CD58: variants seen among roughly 807,000 people sequenced by gnomAD.
CD58 encodes the protein lymphocyte function-associated antigen 3.
A neutral mutation model predicts 27.6 loss-of-function variants in CD58; 14 were observed. That is an observed-to-expected ratio of 0.51 (90% confidence interval 0.34 to 0.79). The LOEUF (loss-of-function observed/expected upper bound fraction) is 0.79. Among genes scored for constraint, CD58 ranks in the 30% least tolerant of loss-of-function variants. The probability of loss-of-function intolerance (pLI) is 0.02; values close to 1 mark genes in which losing one functional copy is unlikely to be tolerated. For missense variants in CD58, 268 were observed against 301.7 expected, an observed-to-expected ratio of 0.89 and a Z score of 0.83; for synonymous variants, 117 against 103.8, an observed-to-expected ratio of 1.13 and a Z score of -0.77.
Position 116,559,463 on chromosome 1 carries a change from T to C in CD58, c.70+11440A>G, listed in dbSNP as rs1190747916. Among the ~76,000 whole-genome samples the C allele has an allele frequency of 6.6e-6, 1 of 152,216 alleles. No individual in the cohort carries two copies. The highest frequency in any genetic ancestry group is 2.4e-5 in the African/African-American group (1 of 41,464). On this transcript the variant is annotated intron_variant, in intron 1 of 5. Transcript: ENST00000369489. This position sits in a 1 kb window ranked among gnomAD's most constrained non-coding sequence, Gnocchi z 4.4. ...CTGTTGGCCAGAACATCAGATGCCT[T>C]GGTTGGGGCCATTCCTCTTTTTTCC...
intron 1 of CD58, among the ~76,000 whole-genome samples, chr1:116,545,788 G>A (rs1436331251): frequency 6.6e-6 from 1 of 152,030 alleles, no homozygotes; most frequent in Non-Finnish European, 1.5e-5. Context: ...TACCAACCTA[G>A]TTGTTAAACA....
intron 1 of CD58, among the ~76,000 whole-genome samples, chr1:116,561,861 CAATT>C (rs1268217844): frequency 6.6e-6 from 1 of 152,112 alleles, no homozygotes; most frequent in East Asian, 1.9e-4. Context: ...ATCAGTGTGA[CAATT>C]AAATAAAAAC....
In CD58 at chr1:116,535,981, G is replaced by C. The variant is rs777699881; in HGVS notation, c.612C>G (p.Thr204=). The stretch of plus-strand genomic sequence containing the variant: ...TTTACTCACCGCTGCTTGGGATACA[G>C]GTTGTCAAAATGATTGATGATGTTG... ...FNTTSSIILT[T]CIPSSGHSRH... Residue 204 remains threonine, a synonymous_variant, in exon 3 of 6, where the codon ACC becomes ACG. Transcript: ENST00000369489. 1 of 1,609,256 alleles carries C rather than the reference G, an allele frequency of 6.2e-7. No individual in the cohort carries two copies. The highest frequency in any genetic ancestry group is 8.5e-7 in the Non-Finnish European group (1 of 1,178,272).
intron 2 of CD58, among the ~76,000 whole-genome samples, chr1:116,537,589 C>T (rs1657853960): frequency 6.6e-6 from 1 of 152,188 alleles, no homozygotes; most frequent in Admixed American, 6.5e-5. Context: ...CTCACTCCCA[C>T]CCTTCTTCTA....
At chr1:116,539,449 T>C (rs559355053) in intron 2 of CD58, among the ~76,000 whole-genome samples, 3 of 152,186 alleles carry the variant, frequency 2.0e-5, no homozygotes, top group Non-Finnish European at 2.9e-5. Flanking sequence ...GGGAATGCTG[T>C]ATCAGGTCAC....
intron 3 of CD58, among the ~76,000 whole-genome samples, chr1:116,535,149 G>A (rs1428205215): frequency 2.0e-5 from 3 of 152,102 alleles, no homozygotes; most frequent in Admixed American, 1.3e-4. Context: ...TCATAGCCAA[G>A]ACAGATTGTC....
intron 1 of CD58, among the ~76,000 whole-genome samples, chr1:116,569,620 T>G (rs1659053425): frequency 2.0e-5 from 2 of 97,972 alleles, no homozygotes; most frequent in Admixed American, 1.8e-4. Flanking sequence ...TTTTTTTTTT[T>G]GAGACAGGTC....
Position 116,528,621 on chromosome 1 carries a change from C to T in CD58, c.629-6638G>A, listed in dbSNP as rs1355112917. On this transcript the variant is annotated intron_variant, in intron 3 of 5. Transcript: ENST00000369489. The surrounding 1 kb of genome is among the most constrained non-coding windows in gnomAD (Gnocchi z 4.4). Reference sequence around the variant, plus strand: ...AAAAAATGTGCCCTTTCCCTAGGCTCCCATTTAGAGTTCTGTGTCAATGTG... The same window carrying T: ...AAAAAATGTGCCCTTTCCCTAGGCTTCCATTTAGAGTTCTGTGTCAATGTG... 6.6e-6 allele frequency among the ~76,000 whole-genome samples: 1 copy of T among 152,190 alleles called. No homozygotes were observed. The highest frequency in any genetic ancestry group is 1.5e-5 in the Non-Finnish European group (1 of 68,034).
At position 116,552,786 on chromosome 1, in the gene CD58, A is replaced by G. The variant is rs576098512; in HGVS notation, c.71-8182T>C. Among the ~76,000 whole-genome samples the G allele has an allele frequency of 2.6e-5, 4 of 152,376 alleles. No homozygotes were observed. Among genetic ancestry groups the G allele is most frequent in the African/African-American group, 9.6e-5 (4 of 41,582 alleles). On this transcript the variant is annotated intron_variant, in intron 1 of 5. Coordinates refer to ENST00000369489, the MANE Select transcript of CD58 (RefSeq NM_001779.3). The surrounding 1 kb of genome is among the most constrained non-coding windows in gnomAD (Gnocchi z 4.5). Reference sequence around the variant, plus strand: ...TTGTCTATTGCAGTTACACCGCAATAACTATCCTGTACATATGTCCTGATG... The same window carrying G: ...TTGTCTATTGCAGTTACACCGCAATGACTATCCTGTACATATGTCCTGATG...
At chr1:116,530,834 T>C (rs1276998417) in intron 3 of CD58, among the ~76,000 whole-genome samples, 2 of 152,172 alleles carry the variant, frequency 1.3e-5, no homozygotes, top group Non-Finnish European at 2.9e-5. Context: ...TTAAGATCAT[T>C]AAGTTCAGCT....
chr1:116,531,762 GT>G lies in CD58; in HGVS notation c.628+4202del, dbSNP rs1369008547. On this transcript the variant is annotated intron_variant, in intron 3 of 5. Coordinates refer to ENST00000369489, the MANE Select transcript of CD58 (RefSeq NM_001779.3). The surrounding 1 kb of genome is among the most constrained non-coding windows in gnomAD (Gnocchi z 4.5). ...TGCACTTTTTCTTTTTTTTCTCCGT[GT>G]TTCATAACTTTAATAGAATATTCTA... Among the ~76,000 whole-genome samples, 2 of 151,658 alleles carry G rather than the reference GT, an allele frequency of 1.3e-5. No homozygotes were observed. The highest frequency in any genetic ancestry group is 4.8e-5 in the African/African-American group (2 of 41,294).
Position 116,561,242 on chromosome 1 carries a change from A to C in CD58, c.70+9661T>G, listed in dbSNP as rs574033629. ...TAAAACTTCTGAAAGATGCCCATCAAAATTAAAACAAAAAAACATAGCAAC... is the reference window on the plus strand; with the variant it reads ...TAAAACTTCTGAAAGATGCCCATCACAATTAAAACAAAAAAACATAGCAAC... On this transcript the variant is annotated intron_variant, in intron 1 of 5. Coordinates refer to ENST00000369489, the MANE Select transcript of CD58 (RefSeq NM_001779.3). Among the ~76,000 whole-genome samples the C allele has an allele frequency of 1.7e-4, 26 of 152,356 alleles. 1 individual carries two copies. Among genetic ancestry groups the C allele is most frequent in the African/African-American group, 6.3e-4 (26 of 41,586 alleles).
intron 1 of CD58, among the ~76,000 whole-genome samples, chr1:116,569,941 A>G (rs1482575627): frequency 2.0e-5 from 3 of 152,148 alleles, no homozygotes; most frequent in African/African-American, 7.2e-5. Context: ...TCGTGCGGGT[A>G]CTTTTGAGTC....
chr1:116,520,037 C>A (rs999982573), intron 4 of CD58, among the ~76,000 whole-genome samples: 2 of 152,216 alleles, frequency 1.3e-5, no homozygotes, highest in African/African-American at 4.8e-5. Flanking sequence ...TCAACTCTTT[C>A]CTCTTCTGAA....
At position 116,533,053 on chromosome 1, in the gene CD58, G is replaced by T. The variant is rs1252598301; in HGVS notation, c.628+2912C>A. ...ATTCGTCCTCTTCTTCTTCACCTTC[G>T]TCAAAATTGTCATCATCCTTTAAGG... On this transcript the variant is annotated intron_variant, in intron 3 of 5. Coordinates refer to ENST00000369489, the MANE Select transcript of CD58 (RefSeq NM_001779.3). 5.4e-5 allele frequency: 39 copies of T among 725,814 alleles called. 1 individual carries two copies. The Admixed American group carries it at 7.2e-4, about 13-fold the overall frequency. 45.0% of individuals were successfully genotyped at this position (725,814 alleles called of 1,614,324 possible).
Position 116,536,379 on chromosome 1 carries a change from T to C in CD58, c.365-151A>G. 1.6e-6 allele frequency: 1 copy of C among 611,744 alleles called. No homozygotes were observed. Among genetic ancestry groups the C allele is most frequent in the East Asian group, 2.8e-5 (1 of 36,214 alleles). 37.9% of individuals were successfully genotyped at this position (611,744 alleles called of 1,614,324 possible). A position where few individuals can be genotyped will look rare whatever the true frequency, so the allele number is the denominator to read the frequency against. On this transcript the variant is annotated intron_variant, in intron 2 of 5. Transcript: ENST00000369489. This position sits in a 1 kb window ranked among gnomAD's most constrained non-coding sequence, Gnocchi z 5.4. The stretch of plus-strand genomic sequence containing the variant: ...ATCAAGGAGCGAGAATTCTTTCTTT[T>C]GCTAGGTCAGATCTACCTGTTCAAA...
In CD58 at chr1:116,533,451, T is replaced by A. The variant is rs114382491; in HGVS notation, c.628+2514A>T. 6 of 751,862 alleles carry A rather than the reference T, an allele frequency of 8.0e-6. No individual in the cohort carries two copies. In the Admixed American group the frequency reaches 1.0e-4, roughly 13 times the overall value. 46.6% of individuals were successfully genotyped at this position (751,862 alleles called of 1,614,324 possible). On this transcript the variant is annotated intron_variant, in intron 3 of 5. Coordinates refer to ENST00000369489, the MANE Select transcript of CD58 (RefSeq NM_001779.3). ...CAGGACTGAGTTGGCAAAGCAGTCATTGGGTTGAAAGTGGAACTCTTAATA... is the reference window on the plus strand; with the variant it reads ...CAGGACTGAGTTGGCAAAGCAGTCAATGGGTTGAAAGTGGAACTCTTAATA...
intron 1 of CD58, among the ~76,000 whole-genome samples, chr1:116,561,717 T>C (rs1348132936): frequency 6.6e-6 from 1 of 152,176 alleles, no homozygotes; most frequent in Non-Finnish European, 1.5e-5. Flanking sequence ...ACAGAGCATA[T>C]AAAGGAATAG....
At chr1:116,525,976 T>C (rs779104607) in intron 3 of CD58, among the ~76,000 whole-genome samples, 22 of 152,204 alleles carry the variant, frequency 1.4e-4, no homozygotes, top group Non-Finnish European at 2.9e-4. Context: ...ATATCCCTAT[T>C]TGCCATCTGT....
Sources: gnomAD v4.1 joint callset for allele counts (sites outside exome capture counted in the v4.1 genomes callset) on GRCh38, gnomAD v4.1.1 for gene constraint, Gnocchi (gnomAD v3.1) non-coding constraint, MANE v1.5 for transcripts, NCBI Gene and HGNC (gene_info 2026-07-23, HGNC 2026-07-21) for gene names.